Variants in GOLM2 observed in about 807,000 individuals in gnomAD.
The protein encoded by GOLM2 is golgi membrane protein 2.
Under a neutral mutation model 55.9 loss-of-function variants are expected in GOLM2, and 26 were observed. The ratio of observed to expected loss-of-function variants is 0.47; its 90% CI spans 0.34 to 0.65. GOLM2 has a LOEUF of 0.65. Among genes scored for constraint, GOLM2 ranks in the 30% least tolerant of loss-of-function variants. The probability of loss-of-function intolerance (pLI) is 0.01; values close to 1 mark genes in which losing one functional copy is unlikely to be tolerated. For missense variants in GOLM2, 486 were observed against 531.8 expected (o/e 0.91, Z 0.85); for synonymous variants, 165 against 194.6 (o/e 0.85, Z 1.27).
intron 8 of GOLM2, among the ~76,000 whole-genome samples, chr15:44,398,915 A>ATG: frequency 6.6e-6 from 1 of 151,558 alleles, no homozygotes. Flanking sequence ...TGATCCACCC[A>ATG]CCTCGGCCTC....
At chr15:44,333,125 G>T (rs1792224762) in intron 4 of GOLM2, among the ~76,000 whole-genome samples, 1 of 151,992 alleles carries the variant, frequency 6.6e-6, no homozygotes, top group African/African-American at 2.4e-5. Context: ...GTAGAGACAG[G>T]GTTTCACCAT....
intron 4 of GOLM2, among the ~76,000 whole-genome samples, chr15:44,332,311 C>T (rs1164541518): frequency 6.6e-6 from 1 of 152,110 alleles, no homozygotes; most frequent in Non-Finnish European, 1.5e-5. Flanking sequence ...AATCCCAGCA[C>T]TTTGGGAGGC....
intron 9 of GOLM2, among the ~76,000 whole-genome samples, chr15:44,408,196 A>G (rs891379078): frequency 2.0e-5 from 3 of 152,350 alleles, no homozygotes; most frequent in Admixed American, 6.5e-5. Context: ...GCTTCCTAAA[A>G]GGAACTAAAA....
intron 8 of GOLM2, among the ~76,000 whole-genome samples, chr15:44,401,825 ATTTCT>A (rs1405655754): frequency 7.3e-5 from 10 of 136,728 alleles, no homozygotes; most frequent in African/African-American, 2.7e-4. Context: ...TATCTTCTTG[ATTTCT>A]TTTTTTTTTT....
intron 9 of GOLM2, among the ~76,000 whole-genome samples, chr15:44,409,366 C>A (rs1381542165): frequency 2.7e-5 from 4 of 148,510 alleles, no homozygotes; most frequent in South Asian, 2.1e-4. Flanking sequence ...GCGGGTGGAT[C>A]GCCTGAGGTC....
rs367968209 is a variant in GOLM2, at chr15:44,327,170, C to T, written c.383-1515C>T. 4.0e-4 allele frequency among the ~76,000 whole-genome samples: 60 copies of T among 150,526 alleles called. 1 individual carries two copies. The East Asian group carries it at 0.012, about 31-fold the overall frequency. On this transcript the variant is annotated intron_variant, in intron 2 of 9. Coordinates refer to ENST00000299957, the MANE Select transcript of GOLM2 (RefSeq NM_138423.4). ...TTTACCATGTTGGCCAGGCTGGTCTCGAACTCCTGACCTCAGGCGATCCAC... is the reference window on the plus strand; with the variant it reads ...TTTACCATGTTGGCCAGGCTGGTCTTGAACTCCTGACCTCAGGCGATCCAC...
At chr15:44,374,676 G>A (rs1484595294) in intron 6 of GOLM2, among the ~76,000 whole-genome samples, 1 of 152,138 alleles carries the variant, frequency 6.6e-6, no homozygotes, top group African/African-American at 2.4e-5. Context: ...GGAGAAGGAG[G>A]AAGAAAGCAA....
rs1226777678 is a variant in GOLM2 at position 44,289,365 on chromosome 15, G to C, written c.327+9G>C. ...GATGCGAGGATGACAAGGTAAGGAC[G>C]ACCCTTTTCTCTTCAAACCCCATGG... is the stretch of plus-strand genomic sequence containing the variant. On this transcript the variant is annotated intron_variant, in intron 1 of 9. Coordinates refer to ENST00000299957, the MANE Select transcript of GOLM2 (RefSeq NM_138423.4). This position sits in a 1 kb window ranked among gnomAD's most constrained non-coding sequence, Gnocchi z 4.8. The C allele has an allele frequency of 2.5e-6, 4 of 1,603,662 alleles. No homozygotes were observed. Among genetic ancestry groups the C allele is most frequent in the Non-Finnish European group, 3.4e-6 (4 of 1,175,116 alleles).
chr15:44,367,778 A>T (rs1176275765), intron 6 of GOLM2, among the ~76,000 whole-genome samples: 3 of 149,498 alleles, frequency 2.0e-5, no homozygotes, highest in Non-Finnish European at 4.4e-5. Context: ...CTGGCGACGG[A>T]GACTCTGTCT....
intron 3 of GOLM2, among the ~76,000 whole-genome samples, chr15:44,329,897 G>A (rs898971795): frequency 2.5e-4 from 37 of 145,366 alleles, no homozygotes; most frequent in Non-Finnish European, 1.4e-4. Context: ...GTGAGAACTT[G>A]TCTTTTTTTT....
At chr15:44,379,638 T>TTTTTAA in intron 6 of GOLM2, 52 bp from the exon 7 acceptor site, 11 of 710,016 alleles carry the variant, frequency 1.5e-5, no homozygotes, top group East Asian at 2.8e-5. Flanking sequence ...TTTTTTTTTT[T>TTTTTAA]AGAAATCATA....
In GOLM2 at chr15:44,288,745, GT is replaced by G; in HGVS notation, c.-282del. The G allele has an allele frequency of 2.1e-6, 1 of 469,296 alleles. No homozygotes were observed. The highest frequency in any genetic ancestry group is 3.8e-6 in the Non-Finnish European group (1 of 264,878). 29.1% of individuals were successfully genotyped at this position (469,296 alleles called of 1,614,324 possible). On this transcript the variant is annotated 5_prime_UTR_variant, in exon 1 of 10. Coordinates refer to ENST00000299957, the MANE Select transcript of GOLM2 (RefSeq NM_138423.4). The stretch of plus-strand genomic sequence containing the variant: ...CCGCCTCCCAACCGTGAGGTGTTGG[GT>G]TTGGGGGACGCTGGCAGCTGGGTTC...
chr15:44,410,443 A>G (rs2079630651), intron 9 of GOLM2, among the ~76,000 whole-genome samples: 1 of 152,198 alleles, frequency 6.6e-6, no homozygotes, highest in African/African-American at 2.4e-5. Context: ...AAATATATAC[A>G]TAATTTTTTT....
chr15:44,368,376 T>G (rs573997636), intron 6 of GOLM2, among the ~76,000 whole-genome samples: 1 of 149,912 alleles, frequency 6.7e-6, no homozygotes, highest in East Asian at 2.0e-4. Context: ...GGTCTTGAAC[T>G]CCTAACCTCA....
rs1384944220 is a variant in GOLM2 at position 44,298,090 on chromosome 15, C to T, written c.327+8734C>T. Among the ~76,000 whole-genome samples, 4 of 150,382 alleles carry T rather than the reference C, an allele frequency of 2.7e-5. No individual in the cohort carries two copies. In the South Asian group the frequency reaches 8.4e-4, roughly 32 times the overall value. Reference sequence around the variant, plus strand: ...TTCACCATGTTGGCCAAGCTGGTCTCGAACTCCTGACCTTGTGAACCGTCC... The same window carrying T: ...TTCACCATGTTGGCCAAGCTGGTCTTGAACTCCTGACCTTGTGAACCGTCC... On this transcript the variant is annotated intron_variant, in intron 1 of 9. Coordinates refer to ENST00000299957, the MANE Select transcript of GOLM2 (RefSeq NM_138423.4).
At chr15:44,397,947 G>A (rs1324085544) in intron 8 of GOLM2, among the ~76,000 whole-genome samples, 1 of 152,086 alleles carries the variant, frequency 6.6e-6, no homozygotes, top group East Asian at 1.9e-4. Context: ...TATTCATTTT[G>A]TCATTTTCAA....
chr15:44,399,306 T>TTC (rs1343786868), intron 8 of GOLM2, among the ~76,000 whole-genome samples: 8 of 152,230 alleles, frequency 5.3e-5, no homozygotes, highest in Non-Finnish European at 1.2e-4. Flanking sequence ...TGTAAGTTGG[T>TTC]TCTGTGTTTT....
At chr15:44,310,998 CAG>C (rs1567022369) in intron 1 of GOLM2, among the ~76,000 whole-genome samples, 1 of 152,138 alleles carries the variant, frequency 6.6e-6, no homozygotes. Context: ...GCCTGGGCGA[CAG>C]AGTGAGACTT....
intron 6 of GOLM2, among the ~76,000 whole-genome samples, chr15:44,341,144 G>A (rs533413512): frequency 2.8e-5 from 4 of 145,056 alleles, no homozygotes; most frequent in African/African-American, 1.0e-4. Context: ...GCAGTGATGC[G>A]ATCTTGGCTC....
Sources: allele counts gnomAD v4.1 joint callset (sites outside exome capture counted in the v4.1 genomes callset), GRCh38; gene constraint gnomAD v4.1.1; non-coding constraint Gnocchi (gnomAD v3.1); transcripts MANE v1.5; gene names NCBI Gene and HGNC (gene_info 2026-07-23, HGNC 2026-07-21).